The following ZC3H15 variants were observed in gnomAD, a reference collection of about 807,000 sequenced individuals.
The protein encoded by ZC3H15 is zinc finger CCCH domain-containing protein 15.
Under a neutral mutation model 51.2 loss-of-function variants are expected in ZC3H15, and 15 were observed. The observed-to-expected ratio is 0.29, with a 90% CI of 0.20 to 0.45. The LOEUF (loss-of-function observed/expected upper bound fraction) is 0.45, where lower values mean the gene tolerates loss of function less well. ZC3H15 is among the 20% of genes least tolerant of loss of function. The pLI is 1.00. For missense variants in ZC3H15, 381 were observed against 494.7 expected (o/e 0.77, Z 2.18); for synonymous variants, 144 against 162.8 (o/e 0.88, Z 0.88).
chr2:186,508,804 C>G lies in ZC3H15; in HGVS notation c.*71C>G. ...GAAATTGACTACATTAATTTCTTTC[C>G]ACCTAGAATCAACAGGATGTTTATT... is the stretch of plus-strand genomic sequence containing the variant. On this transcript the variant is annotated 3_prime_UTR_variant, in exon 10 of 10. Transcript: ENST00000337859. 1.3e-6 allele frequency: 2 copies of G among 1,487,442 alleles called. No homozygotes were observed. The highest frequency in any genetic ancestry group is 1.8e-6 in the Non-Finnish European group (2 of 1,085,844). The allele number at this position is 1,487,442 out of a possible 1,614,324, so 92.1% of individuals were successfully genotyped here. A position where few individuals can be genotyped will look rare whatever the true frequency, so the allele number is the denominator to read the frequency against.
intron 2 of ZC3H15, among the ~76,000 whole-genome samples, chr2:186,499,027 T>C (rs879815698): frequency 6.6e-6 from 1 of 152,204 alleles, no homozygotes; most frequent in Non-Finnish European, 1.5e-5. Context: ...AACCTGTTCC[T>C]CCTGTATTCC....
chr2:186,488,195 A>T (rs1211518815), intron 1 of ZC3H15, among the ~76,000 whole-genome samples: 3 of 152,160 alleles, frequency 2.0e-5, no homozygotes, highest in Non-Finnish European at 2.9e-5. Flanking sequence ...GGTATAACTT[A>T]TGTAAAATAA....
intron 2 of ZC3H15, among the ~76,000 whole-genome samples, chr2:186,496,019 G>A (rs890294645): frequency 3.3e-5 from 5 of 152,128 alleles, no homozygotes; most frequent in Non-Finnish European, 5.9e-5. Context: ...CCTTTTGTCT[G>A]CATTGCAGAT....
chr2:186,501,523 A>G, intron 4 of ZC3H15, 98 bp downstream of exon 4: 6 of 1,043,506 alleles, frequency 5.7e-6, no homozygotes, highest in Non-Finnish European at 8.1e-6. Flanking sequence ...CAATCTTAAT[A>G]GACTGTTTAT....
intron 1 of ZC3H15, among the ~76,000 whole-genome samples, chr2:186,489,652 C>T (rs563972599): frequency 1.2e-4 from 19 of 152,294 alleles, no homozygotes; most frequent in African/African-American, 4.1e-4. Context: ...TCCTACCTAC[C>T]TCTTTCCTCT....
At chr2:186,490,151 C>A (rs1253431522) in intron 1 of ZC3H15, among the ~76,000 whole-genome samples, 3 of 151,962 alleles carry the variant, frequency 2.0e-5, no homozygotes, top group East Asian at 1.9e-4. Flanking sequence ...TTTATGAATT[C>A]ATTTGTATTA....
At chr2:186,504,240 A>T in intron 6 of ZC3H15, 26 bp downstream of exon 6, 1 of 1,522,682 alleles carries the variant, frequency 6.6e-7, no homozygotes, top group Non-Finnish European at 8.8e-7. Flanking sequence ...TTCCTACCAT[A>T]AAAACTGAAA....
intron 2 of ZC3H15, among the ~76,000 whole-genome samples, chr2:186,499,172 T>C (rs777633672): frequency 5.3e-5 from 8 of 152,208 alleles, no homozygotes; most frequent in Non-Finnish European, 1.0e-4. Flanking sequence ...TTTAAGCTCT[T>C]GTGTTTTATT....
Position 186,500,163 on chromosome 2 carries a change from A to C in ZC3H15, c.178-19A>C. 2 of 1,578,730 alleles carry C rather than the reference A, an allele frequency of 1.3e-6. No homozygotes were observed. Among genetic ancestry groups the C allele is most frequent in the African/African-American group, 2.7e-5 (2 of 72,820 alleles). The stretch of plus-strand genomic sequence containing the variant: ...TTGTAAACAATCAAATTTACATTTT[A>C]AACCTGGGAATATTATAGGTAGCAC... On this transcript the variant is annotated intron_variant, in intron 2 of 9. Transcript: ENST00000337859.
intron 1 of ZC3H15, among the ~76,000 whole-genome samples, chr2:186,492,297 C>A (rs1685213727): frequency 6.6e-6 from 1 of 152,136 alleles, no homozygotes; most frequent in Admixed American, 6.5e-5. Flanking sequence ...GCACTGTGTT[C>A]ATCTGTATGT....
chr2:186,495,091 C>A, intron 1 of ZC3H15, 142 bp from the exon 2 acceptor site: 1 of 484,116 alleles, frequency 2.1e-6, no homozygotes. Flanking sequence ...CATATATTGC[C>A]TTGACTTGAT....
chr2:186,505,925 A>G, intron 8 of ZC3H15, 84 bp downstream of exon 8: 1 of 1,406,336 alleles, frequency 7.1e-7, no homozygotes, highest in Non-Finnish European at 9.9e-7. Context: ...AGAGCCACCA[A>G]CATCAGAGCC....
chr2:186,499,829 T>A (rs977203609), intron 2 of ZC3H15, among the ~76,000 whole-genome samples: 1 of 152,210 alleles, frequency 6.6e-6, no homozygotes, highest in Admixed American at 6.5e-5. Flanking sequence ...TTTCAGGATG[T>A]TTGCTTGTCT....
At position 186,505,466 on chromosome 2, in the gene ZC3H15, C is replaced by G. The variant is rs778301709; in HGVS notation, c.733C>G (p.Pro245Ala). 6.4e-7 allele frequency: 1 copy of G among 1,568,240 alleles called. No homozygotes were observed. The highest frequency in any genetic ancestry group is 8.6e-7 in the Non-Finnish European group (1 of 1,163,472). ...LIERERSALG[P>A]NVTKITLESF... ...ACCATTGCAGCGTTCTGCCCTAGGT[C>G]CAAATGTTACCAAAATCACTCTAGA... The change falls in exon 7 of 10, where the codon CCA becomes GCA. Residue 245 changes from proline (P) to alanine (A), a missense_variant. Physicochemically the swap from Pro to Ala is conservative, Grantham distance 27. Transcript: ENST00000337859.
chr2:186,486,283 C>A lies in ZC3H15; in HGVS notation c.-100C>A. On this transcript the variant is annotated 5_prime_UTR_variant, in exon 1 of 10. Coordinates refer to ENST00000337859, the MANE Select transcript of ZC3H15 (RefSeq NM_018471.3). ...GCGACTCGCTTTCCGTGCGGTGCGG[C>A]GAGTGAGGCCCCGGTCTTCCTCCTC... 7.8e-7 allele frequency: 1 copy of A among 1,280,602 alleles called. No individual in the cohort carries two copies. The highest frequency in any genetic ancestry group is 1.0e-6 in the Non-Finnish European group (1 of 971,940). 79.3% of individuals were successfully genotyped at this position (1,280,602 alleles called of 1,614,324 possible). A position where few individuals can be genotyped will look rare whatever the true frequency, so the allele number is the denominator to read the frequency against.
intron 2 of ZC3H15, among the ~76,000 whole-genome samples, chr2:186,498,016 T>G (rs1685311322): frequency 1.3e-5 from 2 of 152,180 alleles, no homozygotes; most frequent in South Asian, 4.1e-4. Context: ...GCCAAGGGGA[T>G]GTACCCACCC....
chr2:186,499,259 A>G (rs908411140), intron 2 of ZC3H15, among the ~76,000 whole-genome samples: 2 of 151,592 alleles, frequency 1.3e-5, no homozygotes, highest in Non-Finnish European at 2.9e-5. Flanking sequence ...TGCCCTCTTG[A>G]TATTTTATAA....
chr2:186,500,597 G>T (rs75430255), intron 3 of ZC3H15: 1 of 523,946 alleles, frequency 1.9e-6, no homozygotes, highest in African/African-American at 1.9e-5. Context: ...AGCCATAGTT[G>T]AATAAACTGT....
chr2:186,506,562 G>A lies in ZC3H15; in HGVS notation c.967-151G>A, dbSNP rs1685470715. Reference sequence around the variant, plus strand: ...CCACCTCGACCTCCCAAAGTGTTGGGATTACAGGTGTGAGCCTCCACACCT... The same window carrying A: ...CCACCTCGACCTCCCAAAGTGTTGGAATTACAGGTGTGAGCCTCCACACCT... On this transcript the variant is annotated intron_variant, in intron 8 of 9. Transcript: ENST00000337859. The A allele has an allele frequency of 9.9e-6, 8 of 804,518 alleles. No homozygotes were observed. In the South Asian group the frequency reaches 1.1e-4, roughly 11 times the overall value. The allele number at this position is 804,518 out of a possible 1,614,324, so 49.8% of individuals were successfully genotyped here. A position where few individuals can be genotyped will look rare whatever the true frequency, so the allele number is the denominator to read the frequency against.
Sources: allele counts gnomAD v4.1 joint callset (sites outside exome capture counted in the v4.1 genomes callset), GRCh38; gene constraint gnomAD v4.1.1; transcripts MANE v1.5; gene names NCBI Gene and HGNC (gene_info 2026-07-23, HGNC 2026-07-21).